PGR: variants seen among roughly 807,000 people sequenced by gnomAD.
PGR encodes nuclear receptor subfamily 3 group C member 3.
PGR carries 25 observed loss-of-function variants against 76.1 expected under a neutral mutation model. That is an observed-to-expected ratio of 0.33 (90% CI 0.24 to 0.46). The LOEUF (loss-of-function observed/expected upper bound fraction) is 0.46. Ranked by LOEUF, PGR falls within the 20% of genes least tolerant of loss-of-function variation. The pLI is 1.00. For synonymous variants in PGR, 579 were observed against 535.0 expected (o/e 1.08, Z -1.14); for missense variants, 1,172 against 1,225.3 (o/e 0.96, Z 0.65).
At chr11:101,114,078 GA>G (rs1287468641) in intron 2 of PGR, among the ~76,000 whole-genome samples, 1 of 152,148 alleles carries the variant, frequency 6.6e-6, no homozygotes, top group Non-Finnish European at 1.5e-5. Flanking sequence ...CACAAACTTT[GA>G]AATTACAATA....
At chr11:101,116,210 A>G (rs530684640) in intron 2 of PGR, among the ~76,000 whole-genome samples, 5 of 152,344 alleles carry the variant, frequency 3.3e-5, no homozygotes, top group Admixed American at 6.5e-5. Context: ...CTAGTCAGGA[A>G]GGATTCCTTA....
intron 3 of PGR, among the ~76,000 whole-genome samples, chr11:101,067,450 C>T (rs1860759997): frequency 1.3e-5 from 2 of 151,890 alleles, no homozygotes; most frequent in Non-Finnish European, 2.9e-5. Flanking sequence ...CATCATCTAC[C>T]TAAAACGGCA....
At chr11:101,080,497 T>TTA (rs772346846) in intron 3 of PGR, among the ~76,000 whole-genome samples, 1 of 151,226 alleles carries the variant, frequency 6.6e-6, no homozygotes, top group Non-Finnish European at 1.5e-5. Flanking sequence ...ACTACCCACA[T>TTA]GAAAATAAGT....
intron 2 of PGR, among the ~76,000 whole-genome samples, chr11:101,109,590 G>C (rs1862280487): frequency 6.6e-6 from 1 of 152,118 alleles, no homozygotes; most frequent in Non-Finnish European, 1.5e-5. Flanking sequence ...AGCTGTAAAA[G>C]AAAAGTTTGA....
intron 3 of PGR, among the ~76,000 whole-genome samples, chr11:101,067,156 G>T (rs895456884): frequency 6.6e-6 from 1 of 152,104 alleles, no homozygotes; most frequent in Non-Finnish European, 1.5e-5. Context: ...GTCTTACACT[G>T]ACAAGTTCCT....
At chr11:101,107,828 T>C (rs1248585852) in intron 2 of PGR, among the ~76,000 whole-genome samples, 3 of 139,658 alleles carry the variant, frequency 2.1e-5, no homozygotes, top group Non-Finnish European at 3.0e-5. Context: ...GTTATAACTT[T>C]CTAGAATCTC....
intron 3 of PGR, among the ~76,000 whole-genome samples, chr11:101,074,285 G>A (rs1861044795): frequency 6.6e-6 from 1 of 152,064 alleles, no homozygotes; most frequent in South Asian, 2.1e-4. Context: ...ACCCCTTCAT[G>A]CTAAAAACTC....
intron 3 of PGR, among the ~76,000 whole-genome samples, chr11:101,080,084 A>T (rs1861253104): frequency 6.6e-6 from 1 of 152,228 alleles, no homozygotes; most frequent in African/African-American, 2.4e-5. Flanking sequence ...CAGGGGACGC[A>T]GGTGGACCTG....
chr11:101,128,774 G>A lies in PGR; in HGVS notation c.297C>T (p.Ser99=). The A allele has an allele frequency of 1.2e-6, 2 of 1,614,008 alleles. No homozygotes were observed. The highest frequency in any genetic ancestry group is 2.2e-5 in the South Asian group (2 of 91,088). ...RAEATRGAGG[S]SSSPPEKDSG... ...TGTCCTTTTCTGGGGGACTAGAACT[G>A]CTGCCTCCAGCACCCCTTGTAGCTT... Residue 99 remains serine, a synonymous_variant, in exon 1 of 8, where the codon AGC becomes AGT. Coordinates refer to ENST00000325455, the MANE Select transcript of PGR (RefSeq NM_000926.4).
Position 101,033,585 on chromosome 11 carries a change from T to C in PGR, c.*5531A>G, listed in dbSNP as rs990710643. On this transcript the variant is annotated 3_prime_UTR_variant, in exon 8 of 8. Coordinates refer to ENST00000325455, the MANE Select transcript of PGR (RefSeq NM_000926.4). The stretch of plus-strand genomic sequence containing the variant: ...ATTGTTATTCATGCTGCTCAGCAGC[T>C]TTCATTGATATGTCTTTGAATAACA... 1.0e-5 allele frequency: 2 copies of C among 196,302 alleles called. No individual in the cohort carries two copies. Among genetic ancestry groups the C allele is most frequent in the Non-Finnish European group, 2.1e-5 (2 of 94,512 alleles). 12.2% of individuals were successfully genotyped at this position (196,302 alleles called of 1,614,324 possible). A position where few individuals can be genotyped will look rare whatever the true frequency, so the allele number is the denominator to read the frequency against.
intron 3 of PGR, among the ~76,000 whole-genome samples, chr11:101,071,443 C>T (rs1376346881): frequency 6.6e-6 from 1 of 151,940 alleles, no homozygotes; most frequent in Non-Finnish European, 1.5e-5. Context: ...CAACTCCTCA[C>T]CAGCAAGGGA....
At chr11:101,067,322 C>T (rs10895058) in intron 3 of PGR, among the ~76,000 whole-genome samples, 22,776 of 151,974 alleles carry the variant, frequency 0.15, 3,142 homozygotes, top group East Asian at 0.78. Context: ...TCCTATAAAT[C>T]AGAAAGAAAA....
rs773666613 is a variant in PGR at position 101,113,339 on chromosome 11, G to GT, written c.1789+12667dup. Among the ~76,000 whole-genome samples the GT allele has an allele frequency of 1.5e-3, 226 of 151,388 alleles. 1 individual carries two copies. The highest frequency in any genetic ancestry group is 2.8e-3 in the Non-Finnish European group (189 of 67,914). On this transcript the variant is annotated intron_variant, in intron 2 of 7. Transcript: ENST00000325455. ...TGCAGTGGTGTGATCTCCACTCACT[G>GT]TAAGCTCCACCTCCTAGGTTCATGC... is the stretch of plus-strand genomic sequence containing the variant.
intron 3 of PGR, among the ~76,000 whole-genome samples, chr11:101,065,324 C>T (rs1231643898): frequency 6.6e-6 from 1 of 152,118 alleles, no homozygotes; most frequent in African/African-American, 2.4e-5. Flanking sequence ...GAAGAGAGTA[C>T]TAAAAAGGGA....
intron 2 of PGR, among the ~76,000 whole-genome samples, chr11:101,104,789 T>C (rs541152815): frequency 2.6e-5 from 4 of 152,348 alleles, no homozygotes; most frequent in South Asian, 4.1e-4. Context: ...ATTTTTCTTT[T>C]CTTTTTTTTT....
At position 101,030,354 on chromosome 11, in the gene PGR, T is replaced by C. The variant is rs1270321726; in HGVS notation, c.*8762A>G. The C allele has an allele frequency of 4.4e-6, 1 of 226,732 alleles. No individual in the cohort carries two copies. Among genetic ancestry groups the C allele is most frequent in the East Asian group, 6.4e-5 (1 of 15,720 alleles). The allele number at this position is 226,732 out of a possible 1,614,324, so 14.0% of individuals were successfully genotyped here. On this transcript the variant is annotated 3_prime_UTR_variant, in exon 8 of 8. Coordinates refer to ENST00000325455, the MANE Select transcript of PGR (RefSeq NM_000926.4). The stretch of plus-strand genomic sequence containing the variant: ...GTTAGGGGAAATTTAAAACATTACA[T>C]AGAAAATAAGTATGTGATGATATCG...
At chr11:101,117,598 G>C (rs1191457528) in intron 2 of PGR, among the ~76,000 whole-genome samples, 1 of 151,360 alleles carries the variant, frequency 6.6e-6, no homozygotes, top group Non-Finnish European at 1.5e-5. Context: ...CATACTTTTA[G>C]GTTTCTTTTC....
At chr11:101,119,700 T>C (rs1039497018) in intron 2 of PGR, among the ~76,000 whole-genome samples, 8 of 152,096 alleles carry the variant, frequency 5.3e-5, no homozygotes, top group Non-Finnish European at 1.0e-4. Flanking sequence ...AATAAAGAAA[T>C]ACAGAGCTGT....
intron 3 of PGR, among the ~76,000 whole-genome samples, chr11:101,084,229 C>T (rs74325828): frequency 3.7e-4 from 57 of 152,268 alleles, no homozygotes; most frequent in African/African-American, 1.2e-3. Context: ...AGTTTCCTGA[C>T]GTTGCCTAGC....
Sources: gnomAD v4.1 joint callset for allele counts (sites outside exome capture counted in the v4.1 genomes callset) on GRCh38, gnomAD v4.1.1 for gene constraint, MANE v1.5 for transcripts, NCBI Gene and HGNC (gene_info 2026-07-23, HGNC 2026-07-21) for gene names.